Variants in SNX29 observed in about 807,000 individuals in gnomAD.
SNX29 encodes sorting nexin-29.
In SNX29, 78 loss-of-function variants were observed where a neutral mutation model predicts 102.1. The observed-to-expected ratio is 0.76, with a 90% CI of 0.64 to 0.92. SNX29 has a LOEUF of 0.92. Among genes scored for constraint, SNX29 ranks in the 40% least tolerant of loss-of-function variants. The pLI is 0.00. For synonymous variants in SNX29, 580 were observed against 414.5 expected (o/e 1.40, Z -4.85); for missense variants, 1,280 against 1,061.7 (o/e 1.21, Z -2.86).
chr16:12,269,862 T>TC (rs1567379331), intron 14 of SNX29, among the ~76,000 whole-genome samples: 391 of 30,074 alleles, frequency 0.013, 3 homozygotes, highest in African/African-American at 0.036. Flanking sequence ...TCATCATCAT[T>TC]ATTATTATTA....
intron 11 of SNX29, among the ~76,000 whole-genome samples, chr16:12,112,700 GTGC>G (rs1269771942): frequency 2.0e-5 from 3 of 152,128 alleles, no homozygotes; most frequent in African/African-American, 7.2e-5. Flanking sequence ...GAGTGAAAGG[GTGC>G]TAAATCCTTG....
intron 16 of SNX29, among the ~76,000 whole-genome samples, chr16:12,386,498 C>T (rs144334754): frequency 6.6e-6 from 1 of 152,182 alleles, no homozygotes; most frequent in Non-Finnish European, 1.5e-5. Context: ...TCCCTCCACG[C>T]TCTTCACTGC....
Position 12,356,422 on chromosome 16 carries a change from A to T in SNX29, c.1899+143A>T, listed in dbSNP as rs1466800591. On this transcript the variant is annotated intron_variant, in intron 16 of 20. Transcript: ENST00000566228. ...TTCACCTCTGCCACATTTGCTTTTT[A>T]TTTTTTATGGGGAGGGGGTAGAATA... is the stretch of plus-strand genomic sequence containing the variant. 4 of 649,546 alleles carry T rather than the reference A, an allele frequency of 6.2e-6. No individual in the cohort carries two copies. The Admixed American group carries it at 1.2e-4, about 19-fold the overall frequency. 40.2% of individuals were successfully genotyped at this position (649,546 alleles called of 1,614,324 possible).
In SNX29 at chr16:12,538,452, T is replaced by G. The variant is rs556117119; in HGVS notation, c.2318+13611T>G. ...ACTGAGAATGGTTACTTGGTTTGGT[T>G]ATCACGTATCTCCTATGTTGATGCT... On this transcript the variant is annotated intron_variant, in intron 20 of 20. Coordinates refer to ENST00000566228, the MANE Select transcript of SNX29 (RefSeq NM_032167.5). 9.8e-5 allele frequency among the ~76,000 whole-genome samples: 15 copies of G among 152,338 alleles called. No homozygotes were observed. In the South Asian group the frequency reaches 3.1e-3, roughly 32 times the overall value.
intron 20 of SNX29, among the ~76,000 whole-genome samples, chr16:12,539,306 C>A (rs1274333166): frequency 6.6e-6 from 1 of 152,018 alleles, no homozygotes; most frequent in Non-Finnish European, 1.5e-5. Context: ...GCCCTTGTCC[C>A]TCCCCCTCTA....
At chr16:12,394,349 C>T (rs752556699) in intron 16 of SNX29, among the ~76,000 whole-genome samples, 52 of 152,334 alleles carry the variant, frequency 3.4e-4, no homozygotes, top group Non-Finnish European at 6.6e-4. Context: ...TATAGCTTAG[C>T]AGTTAGAAGA....
At chr16:12,465,061 G>A (rs891741650) in intron 18 of SNX29, among the ~76,000 whole-genome samples, 1 of 152,102 alleles carries the variant, frequency 6.6e-6, no homozygotes, top group Non-Finnish European at 1.5e-5. Context: ...AAAAATGTCT[G>A]TTTACATCCT....
intron 15 of SNX29, among the ~76,000 whole-genome samples, chr16:12,301,292 C>T (rs758240780): frequency 2.0e-5 from 3 of 152,210 alleles, no homozygotes; most frequent in South Asian, 2.1e-4. Context: ...ATTCCAAATC[C>T]GCCCACGCTC....
At chr16:12,566,696 T>C (rs1444379123) in intron 20 of SNX29, among the ~76,000 whole-genome samples, 2 of 12,552 alleles carry the variant, frequency 1.6e-4, no homozygotes, top group Non-Finnish European at 7.7e-4. Flanking sequence ...TCTTCGTAAG[T>C]GGGGTCCCCC....
intron 20 of SNX29, among the ~76,000 whole-genome samples, chr16:12,537,158 C>T (rs761231278): frequency 6.6e-6 from 1 of 152,110 alleles, no homozygotes; most frequent in African/African-American, 2.4e-5. Flanking sequence ...ACTCTGGGAT[C>T]TTGTTAGCAT....
At chr16:12,432,571 G>A (rs938449831) in intron 18 of SNX29, among the ~76,000 whole-genome samples, 1 of 152,164 alleles carries the variant, frequency 6.6e-6, no homozygotes, top group East Asian at 1.9e-4. Flanking sequence ...CAGAGCCAGG[G>A]AACAGCACGC....
intron 20 of SNX29, among the ~76,000 whole-genome samples, chr16:12,528,348 C>T (rs1337733524): frequency 6.6e-6 from 1 of 152,062 alleles, no homozygotes; most frequent in Admixed American, 6.5e-5. Flanking sequence ...AGGCATGTGT[C>T]ACCACGCTCA....
In SNX29 at chr16:12,407,216, A is replaced by T. The variant is rs539487992; in HGVS notation, c.2037+3687A>T. 4.6e-5 allele frequency among the ~76,000 whole-genome samples: 7 copies of T among 152,302 alleles called. 1 individual carries two copies. In the East Asian group the frequency reaches 9.6e-4, roughly 21 times the overall value. ...ATGGCTTCCAGCTCCTTGGAAGAGG[A>T]AGTCTCTGTGTCACTCTCTTACCTC... On this transcript the variant is annotated intron_variant, in intron 18 of 20. Transcript: ENST00000566228.
chr16:12,018,787 G>A (rs199550983), intron 3 of SNX29, among the ~76,000 whole-genome samples: 1 of 148,146 alleles, frequency 6.8e-6, no homozygotes, highest in African/African-American at 2.5e-5. Context: ...GCGGTCTCGC[G>A]ATATTGCCCA....
intron 15 of SNX29, among the ~76,000 whole-genome samples, chr16:12,317,954 C>G (rs2080806034): frequency 6.6e-6 from 1 of 152,248 alleles, no homozygotes; most frequent in South Asian, 2.1e-4. Flanking sequence ...CTGGGGGAAA[C>G]ACGCTTAGTT....
intron 20 of SNX29, among the ~76,000 whole-genome samples, chr16:12,565,146 T>C (rs773944497): frequency 2.6e-5 from 4 of 152,090 alleles, no homozygotes; most frequent in African/African-American, 9.7e-5. Flanking sequence ...CCCACTTCCT[T>C]TGCCAGTTTA....
intron 15 of SNX29, among the ~76,000 whole-genome samples, chr16:12,323,031 G>C (rs113215254): frequency 5.9e-4 from 36 of 61,102 alleles, no homozygotes; most frequent in Non-Finnish European, 9.6e-4. Context: ...GGAGTCACTG[G>C]GGACCACTGT....
chr16:12,467,423 A>C (rs1344624499), intron 18 of SNX29, among the ~76,000 whole-genome samples: 1 of 152,178 alleles, frequency 6.6e-6, no homozygotes, highest in Non-Finnish European at 1.5e-5. Context: ...TGCTCTGAGC[A>C]GCCCCCGGTT....
Position 12,573,402 on chromosome 16 carries a change from A to T in SNX29, c.*4773A>T, listed in dbSNP as rs1302750026. On this transcript the variant is annotated 3_prime_UTR_variant, in exon 21 of 21. Coordinates refer to ENST00000566228, the MANE Select transcript of SNX29 (RefSeq NM_032167.5). ...ATCCTTCCTTATAGCTAGTTTCTAT[A>T]GAGAAGTGAAAAAGAAATCTGGCTT... 4.5e-6 allele frequency: 1 copy of T among 224,280 alleles called. No individual in the cohort carries two copies. Among genetic ancestry groups the T allele is most frequent in the Non-Finnish European group, 8.9e-6 (1 of 112,610 alleles). 13.9% of individuals were successfully genotyped at this position (224,280 alleles called of 1,614,324 possible). A position where few individuals can be genotyped will look rare whatever the true frequency, so the allele number is the denominator to read the frequency against.
Sources: gnomAD v4.1 joint callset for allele counts (sites outside exome capture counted in the v4.1 genomes callset) on GRCh38, gnomAD v4.1.1 for gene constraint, MANE v1.5 for transcripts, NCBI Gene and HGNC (gene_info 2026-07-23, HGNC 2026-07-21) for gene names.